DAB1: variants seen among roughly 807,000 people sequenced by gnomAD.
DAB1 encodes the protein DAB adaptor protein 1.
A neutral mutation model predicts 64.6 loss-of-function variants in DAB1; 15 were observed. The observed-to-expected ratio is 0.23, with a 90% CI of 0.16 to 0.36. The LOEUF (loss-of-function observed/expected upper bound fraction) is 0.36. DAB1 is among the 10% of genes least tolerant of loss of function. DAB1 has a pLI of 1.00. For synonymous variants in DAB1, 235 were observed against 251.9 expected (o/e 0.93, Z 0.64); for missense variants, 596 against 706.7 (o/e 0.84, Z 1.78).
chr1:58,506,277 T>A (rs745409275), intron 2 of DAB1: 1 of 732,146 alleles, frequency 1.4e-6, no homozygotes, highest in Non-Finnish European at 2.3e-6. Context: ...ACTACTACTT[T>A]ATTTTTTTTT....
At chr1:57,702,264 T>G (rs1057328025) in intron 6 of DAB1, among the ~76,000 whole-genome samples, 5 of 152,190 alleles carry the variant, frequency 3.3e-5, no homozygotes, top group African/African-American at 1.2e-4. Flanking sequence ...TGCTGGTGAT[T>G]ACTTTGGTGC....
chr1:58,061,766 G>GT (rs5774394), intron 5 of DAB1, among the ~76,000 whole-genome samples: 31,372 of 151,914 alleles, frequency 0.21, 3,653 homozygotes, highest in East Asian at 0.31. Flanking sequence ...TAAAGCTTTA[G>GT]TATCCCCATA....
chr1:58,407,747 A>G (rs1408643219), intron 3 of DAB1, among the ~76,000 whole-genome samples: 1 of 152,164 alleles, frequency 6.6e-6, no homozygotes, highest in Non-Finnish European at 1.5e-5. Context: ...ATATCTTCCT[A>G]TCAGACCTCC....
chr1:57,391,950 T>A (rs181402867), intron 1 of DAB1, among the ~76,000 whole-genome samples: 298 of 152,274 alleles, frequency 2.0e-3, no homozygotes, highest in Non-Finnish European at 3.7e-3. Context: ...CTCTCCTAGA[T>A]AAGTTTAGTT....
At chr1:58,143,679 A>G (rs1334172251) in intron 5 of DAB1, among the ~76,000 whole-genome samples, 1 of 152,148 alleles carries the variant, frequency 6.6e-6, no homozygotes, top group African/African-American at 2.4e-5. Context: ...GAACACAAAA[A>G]CTACCTAGAA....
intron 2 of DAB1, among the ~76,000 whole-genome samples, chr1:57,239,651 GT>G (rs1668362332): frequency 6.6e-6 from 1 of 151,930 alleles, no homozygotes; most frequent in Admixed American, 6.6e-5. Context: ...CACCTGTTCT[GT>G]TTTCCCTGCC....
chr1:57,974,464 G>A (rs1426657068), intron 5 of DAB1, among the ~76,000 whole-genome samples: 2 of 151,910 alleles, frequency 1.3e-5, no homozygotes, highest in African/African-American at 2.4e-5. Flanking sequence ...TTTAATGAAT[G>A]GCTCTCAACT....
In DAB1 at chr1:58,241,464, A is replaced by G. The variant is rs926874109; in HGVS notation, n.310-90876T>C. 3.3e-5 allele frequency among the ~76,000 whole-genome samples: 5 copies of G among 152,088 alleles called. 1 individual carries two copies. The South Asian group carries it at 1.0e-3, about 31-fold the overall frequency. ...AATGTCCTGGAGATGAATCACACAC[A>G]TCACTACTGTCAAGTAACTCCTGGT... On this transcript the variant is annotated intron_variant and non_coding_transcript_variant, in intron 4 of 20. Coordinates refer to the DAB1 transcript ENST00000485760.
intron 9 of DAB1, among the ~76,000 whole-genome samples, chr1:57,033,908 G>T (rs1647043284): frequency 6.6e-6 from 1 of 152,158 alleles, no homozygotes; most frequent in African/African-American, 2.4e-5. Flanking sequence ...TAAAAGAATA[G>T]AATGTCATCT....
chr1:58,074,227 G>C (rs981207099), intron 5 of DAB1, among the ~76,000 whole-genome samples: 2 of 152,030 alleles, frequency 1.3e-5, no homozygotes, highest in African/African-American at 4.8e-5. Context: ...AATATCATGA[G>C]AGATGTTACT....
chr1:57,553,836 C>T (rs1222614825), intron 7 of DAB1, among the ~76,000 whole-genome samples: 1 of 151,922 alleles, frequency 6.6e-6, no homozygotes, highest in African/African-American at 2.4e-5. Context: ...GCAATCCTGG[C>T]CAGAGCTGGT....
At chr1:58,056,904 C>T (rs1648150592) in intron 5 of DAB1, among the ~76,000 whole-genome samples, 1 of 151,926 alleles carries the variant, frequency 6.6e-6, no homozygotes, top group Admixed American at 6.6e-5. Flanking sequence ...CCTGCTCCCT[C>T]ACCCACACCG....
intron 7 of DAB1, among the ~76,000 whole-genome samples, chr1:57,526,183 A>C (rs1192598203): frequency 1.3e-5 from 2 of 151,990 alleles, no homozygotes; most frequent in Non-Finnish European, 2.9e-5. Flanking sequence ...TGATCCACCC[A>C]CCTTGGCCTC....
chr1:58,426,207 G>A (rs1644820618), intron 3 of DAB1, among the ~76,000 whole-genome samples: 1 of 152,150 alleles, frequency 6.6e-6, no homozygotes, highest in Middle Eastern at 3.2e-3. Context: ...TGGTAAAATG[G>A]TGGGCCTTGG....
Position 58,131,745 on chromosome 1 carries a change from G to T in DAB1, n.387+18766C>A, listed in dbSNP as rs999471104. On this transcript the variant is annotated intron_variant and non_coding_transcript_variant, in intron 5 of 20. Coordinates refer to the DAB1 transcript ENST00000485760. ...TGAGGTGTCAGTGTGCCCCTGCTGG[G>T]GGGTGCCTCCCAGTTAGGCTGCTCG... 2.5e-3 allele frequency among the ~76,000 whole-genome samples: 376 copies of T among 147,454 alleles called. 4 individuals are homozygous for T. Among genetic ancestry groups the T allele is most frequent in the Middle Eastern group, 0.014 (4 of 290 alleles).
At chr1:57,143,381 A>G (rs1289656289) in intron 3 of DAB1, among the ~76,000 whole-genome samples, 1 of 152,178 alleles carries the variant, frequency 6.6e-6, no homozygotes, top group African/African-American at 2.4e-5. Context: ...CTCAGATTTG[A>G]ACTTGGGAGA....
chr1:58,343,573 A>T (rs938310591), intron 3 of DAB1, among the ~76,000 whole-genome samples: 18 of 152,204 alleles, frequency 1.2e-4, no homozygotes, highest in African/African-American at 4.3e-4. Context: ...GCTGACAAAA[A>T]GTTGGGAGGG....
intron 4 of DAB1, among the ~76,000 whole-genome samples, chr1:57,099,701 T>A (rs1283387819): frequency 1.3e-5 from 2 of 152,194 alleles, no homozygotes; most frequent in Non-Finnish European, 2.9e-5. Context: ...AACTAGCACG[T>A]ATGCAATTTT....
At chr1:58,069,355 C>G (rs1471084787) in intron 5 of DAB1, among the ~76,000 whole-genome samples, 2 of 152,186 alleles carry the variant, frequency 1.3e-5, no homozygotes, top group African/African-American at 4.8e-5. Context: ...GCACCGTCCT[C>G]TAAAACAACA....
Sources: allele counts gnomAD v4.1 joint callset (sites outside exome capture counted in the v4.1 genomes callset), GRCh38; gene constraint gnomAD v4.1.1; transcripts MANE v1.5; gene names NCBI Gene and HGNC (gene_info 2026-07-23, HGNC 2026-07-21).